The following DLG2 variants were observed in gnomAD, a reference collection of about 807,000 sequenced individuals.
The protein encoded by DLG2 is discs large MAGUK scaffold protein 2, also known as disks large homolog 2.
DLG2 carries 45 observed loss-of-function variants against 132.5 expected under a neutral mutation model. That is an observed-to-expected ratio of 0.34 (90% CI 0.27 to 0.44). The LOEUF (loss-of-function observed/expected upper bound fraction) is 0.44. Ranked by LOEUF, DLG2 falls within the 20% of genes least tolerant of loss-of-function variation. DLG2 has a pLI of 1.00. For missense variants in DLG2, 1,045 were observed against 1,196.9 expected, an observed-to-expected ratio of 0.87 and a Z score of 1.87; for synonymous variants, 424 against 419.6, an observed-to-expected ratio of 1.01 and a Z score of -0.13.
intron 8 of DLG2, among the ~76,000 whole-genome samples, chr11:84,214,366 AACAT>A (rs1419866455): frequency 1.3e-5 from 2 of 150,100 alleles, no homozygotes; most frequent in Non-Finnish European, 3.0e-5. Context: ...TTTATATACA[AACAT>A]ACATATAAAT....
At chr11:84,514,215 A>ATT (rs2099265620) in intron 7 of DLG2, among the ~76,000 whole-genome samples, 1 of 152,092 alleles carries the variant, frequency 6.6e-6, no homozygotes, top group Non-Finnish European at 1.5e-5. Flanking sequence ...GGATGTGGAG[A>ATT]AAAGGAAACT....
intron 16 of DLG2, among the ~76,000 whole-genome samples, chr11:83,853,835 C>T (rs2060129668): frequency 6.6e-6 from 1 of 152,058 alleles, no homozygotes; most frequent in African/African-American, 2.4e-5. Context: ...CAAGAATGTT[C>T]CCTTTCACCA....
At chr11:85,020,993 T>G in intron 6 of DLG2, 2 of 778,588 alleles carry the variant, frequency 2.6e-6, no homozygotes, top group Non-Finnish European at 4.8e-6. Context: ...GCTCCTCTTC[T>G]GACTTATTAT....
intron 24 of DLG2, among the ~76,000 whole-genome samples, chr11:83,470,401 A>T (rs1422741728): frequency 6.6e-6 from 1 of 152,116 alleles, no homozygotes; most frequent in Non-Finnish European, 1.5e-5. Flanking sequence ...TATACTTCTA[A>T]TTTTCTCGTT....
At chr11:84,261,063 G>A (rs1314404221) in intron 7 of DLG2, among the ~76,000 whole-genome samples, 2 of 152,188 alleles carry the variant, frequency 1.3e-5, no homozygotes, top group African/African-American at 2.4e-5. Context: ...CTACTAAAGA[G>A]CTATAATCTT....
intron 8 of DLG2, among the ~76,000 whole-genome samples, chr11:84,194,975 A>T (rs954795669): frequency 6.6e-6 from 1 of 151,316 alleles, no homozygotes; most frequent in African/African-American, 2.4e-5. Flanking sequence ...CTCCCTCCAC[A>T]CCTCCCTGCA....
intron 6 of DLG2, among the ~76,000 whole-genome samples, chr11:84,752,419 AC>A (rs2066250243): frequency 6.6e-6 from 1 of 152,166 alleles, no homozygotes; most frequent in South Asian, 2.1e-4. Flanking sequence ...TTTTAAAAAA[AC>A]TGTAGCAGTG....
intron 6 of DLG2, among the ~76,000 whole-genome samples, chr11:84,915,584 G>A (rs2092402162): frequency 6.6e-6 from 1 of 152,100 alleles, no homozygotes; most frequent in Admixed American, 6.5e-5. Context: ...GGTTTACCTA[G>A]GGTCATTTTC....
At chr11:85,105,262 C>A (rs573013634) in intron 6 of DLG2, among the ~76,000 whole-genome samples, 1 of 151,836 alleles carries the variant, frequency 6.6e-6, no homozygotes, top group Non-Finnish European at 1.5e-5. Context: ...ACTGTGGGTT[C>A]CCTTTCTGGG....
chr11:83,641,670 G>C (rs899720195), intron 18 of DLG2, among the ~76,000 whole-genome samples: 1 of 152,164 alleles, frequency 6.6e-6, no homozygotes, highest in Non-Finnish European at 1.5e-5. Context: ...CAAGAGCGCT[G>C]AGCTCTGGTG....
At chr11:84,711,330 AAGAGAGAGAGAGAGAGAG>A (rs760750088) in intron 6 of DLG2, among the ~76,000 whole-genome samples, 1,571 of 48,452 alleles carry the variant, frequency 0.032, 22 homozygotes, top group South Asian at 0.091. Flanking sequence ...CAGAACCAGT[AAGAGAGAGAGAGAGAGAG>A]AGAGAGAGAG....
chr11:84,451,026 T>A (rs1489194549), intron 7 of DLG2, among the ~76,000 whole-genome samples: 2 of 151,832 alleles, frequency 1.3e-5, no homozygotes, highest in Non-Finnish European at 2.9e-5. Flanking sequence ...TTAATCTAAA[T>A]AAAATTTGAA....
chr11:84,625,870 A>G (rs1449991746), intron 6 of DLG2, among the ~76,000 whole-genome samples: 1 of 152,208 alleles, frequency 6.6e-6, no homozygotes, highest in Non-Finnish European at 1.5e-5. Context: ...CCACAAGTGC[A>G]GTCTTCTAAT....
At chr11:83,823,327 T>C (rs1180938454) in intron 17 of DLG2, among the ~76,000 whole-genome samples, 1 of 152,142 alleles carries the variant, frequency 6.6e-6, no homozygotes, top group Non-Finnish European at 1.5e-5. Context: ...GAAACTTGTA[T>C]AGGAAGTCCT....
In DLG2 at chr11:84,254,762, A is replaced by G. The variant is rs1343271391; in HGVS notation, c.520-3471T>C. Among the ~76,000 whole-genome samples the G allele has an allele frequency of 9.8e-5, 15 of 152,338 alleles. No individual in the cohort carries two copies. In the East Asian group the frequency reaches 2.5e-3, roughly 25 times the overall value. On this transcript the variant is annotated intron_variant, in intron 7 of 27. Transcript: ENST00000376104. ...CTTGAAGTAGAGGACAAGAATTTGA[A>G]GGATAAGATCTATGTTATGTGGAAT...
intron 6 of DLG2, among the ~76,000 whole-genome samples, chr11:84,608,708 G>T (rs2099590071): frequency 6.6e-6 from 1 of 152,130 alleles, no homozygotes; most frequent in Admixed American, 6.6e-5. Flanking sequence ...GATGTGTCTG[G>T]TCACTTCAGG....
At chr11:84,973,464 T>C (rs2054397809) in intron 6 of DLG2, among the ~76,000 whole-genome samples, 1 of 152,112 alleles carries the variant, frequency 6.6e-6, no homozygotes, top group African/African-American at 2.4e-5. Flanking sequence ...TGCACTCATG[T>C]CTGTCAATCT....
chr11:83,626,235 T>C (rs2062502873), intron 19 of DLG2, among the ~76,000 whole-genome samples: 1 of 152,180 alleles, frequency 6.6e-6, no homozygotes, highest in Non-Finnish European at 1.5e-5. Context: ...TCAATAGGCA[T>C]GTTGTAAAAA....
chr11:85,273,289 A>G (rs2077663171), intron 4 of DLG2, among the ~76,000 whole-genome samples: 1 of 152,212 alleles, frequency 6.6e-6, no homozygotes, highest in Non-Finnish European at 1.5e-5. Context: ...CTGCACAGCA[A>G]AAGAAACTAC....
Sources: gnomAD v4.1 joint callset for allele counts (sites outside exome capture counted in the v4.1 genomes callset) on GRCh38, gnomAD v4.1.1 for gene constraint, MANE v1.5 for transcripts, NCBI Gene and HGNC (gene_info 2026-07-23, HGNC 2026-07-21) for gene names.